Variants in MDGA2 observed in about 807,000 individuals in gnomAD.
MDGA2 encodes MAM domain-containing glycosylphosphatidylinositol anchor protein 2.
A neutral mutation model predicts 117.8 loss-of-function variants in MDGA2; 40 were observed. The ratio of observed to expected loss-of-function variants is 0.34; its 90% CI spans 0.26 to 0.44. MDGA2 has a LOEUF of 0.44. Ranked by LOEUF, MDGA2 falls within the 20% of genes least tolerant of loss-of-function variation. The pLI is 1.00. For synonymous variants in MDGA2, 452 were observed against 439.0 expected, an observed-to-expected ratio of 1.03 and a Z score of -0.37; for missense variants, 1,123 against 1,250.6, an observed-to-expected ratio of 0.90 and a Z score of 1.54.
At chr14:47,587,294 A>G (rs1018052456) in intron 1 of MDGA2, among the ~76,000 whole-genome samples, 2 of 151,868 alleles carry the variant, frequency 1.3e-5, no homozygotes, top group African/African-American at 4.8e-5. Context: ...CAGAACTTAA[A>G]ATAAAACTTA....
chr14:46,902,643 C>G (rs1477427622), intron 10 of MDGA2, among the ~76,000 whole-genome samples: 1 of 152,154 alleles, frequency 6.6e-6, no homozygotes, highest in East Asian at 1.9e-4. Context: ...GTATATAATA[C>G]AAGGACTACA....
In MDGA2 at chr14:47,009,858, T is replaced by G. The variant is rs1887837466; in HGVS notation, c.1819+25153A>C. Among the ~76,000 whole-genome samples the G allele has an allele frequency of 2.6e-5, 4 of 152,048 alleles. No individual in the cohort carries two copies. The South Asian group carries it at 8.3e-4, about 32-fold the overall frequency. ...GCGTCCGAGCTGTGCCTTTTCTATC[T>G]TTAATTTTCATTCTACAAATGATCA... On this transcript the variant is annotated intron_variant, in intron 8 of 16. Transcript: ENST00000399232.
intron 3 of MDGA2, among the ~76,000 whole-genome samples, chr14:47,172,697 G>GAA (rs199863874): frequency 6.6e-6 from 1 of 152,130 alleles, no homozygotes; most frequent in Admixed American, 6.6e-5. Flanking sequence ...CAAAGATGGG[G>GAA]AAAAAACAGA....
intron 1 of MDGA2, among the ~76,000 whole-genome samples, chr14:47,314,551 G>A (rs1457419894): frequency 6.6e-6 from 1 of 151,936 alleles, no homozygotes; most frequent in African/African-American, 2.4e-5. Flanking sequence ...GGTGGCATGA[G>A]CCTGTATCCC....
chr14:46,920,980 C>A (rs2138514019), intron 9 of MDGA2, among the ~76,000 whole-genome samples: 1 of 152,184 alleles, frequency 6.6e-6, no homozygotes, highest in Middle Eastern at 3.4e-3. Context: ...CACATACAAA[C>A]CATCTCAGTT....
chr14:46,866,922 G>C (rs1315670354), intron 14 of MDGA2, among the ~76,000 whole-genome samples: 3 of 152,100 alleles, frequency 2.0e-5, no homozygotes, highest in East Asian at 1.9e-4. Context: ...GGAGAAATAG[G>C]AACACTTTTA....
In MDGA2 at chr14:47,506,330, C is replaced by T. The variant is rs550344889; in HGVS notation, c.280+168187G>A. 7.2e-5 allele frequency among the ~76,000 whole-genome samples: 11 copies of T among 152,260 alleles called. No homozygotes were observed. In the East Asian group the frequency reaches 2.1e-3, roughly 29 times the overall value. On this transcript the variant is annotated intron_variant, in intron 1 of 16. Coordinates refer to ENST00000399232, the MANE Select transcript of MDGA2 (RefSeq NM_001113498.3). ...CCTCTAAAAAAATCTATTTTTCCTACAAACACCCATTTAGAAGCTTTATTT... is the reference window on the plus strand; with the variant it reads ...CCTCTAAAAAAATCTATTTTTCCTATAAACACCCATTTAGAAGCTTTATTT...
At chr14:47,372,589 C>G (rs960860746) in intron 1 of MDGA2, among the ~76,000 whole-genome samples, 4 of 151,854 alleles carry the variant, frequency 2.6e-5, no homozygotes, top group African/African-American at 9.7e-5. Flanking sequence ...GAGACTGAAA[C>G]AGTTACTCTC....
At chr14:46,977,556 C>T (rs1431006747) in intron 8 of MDGA2, among the ~76,000 whole-genome samples, 1 of 151,784 alleles carries the variant, frequency 6.6e-6, no homozygotes, top group Non-Finnish European at 1.5e-5. Flanking sequence ...ATATTGGCCT[C>T]CCAGAAATGT....
chr14:47,205,886 T>A (rs1284257754), intron 3 of MDGA2, among the ~76,000 whole-genome samples: 1 of 152,014 alleles, frequency 6.6e-6, no homozygotes, highest in Admixed American at 6.6e-5. Context: ...TTCCCAGCAC[T>A]GAGTCACACA....
chr14:47,595,564 A>T (rs12586142), intron 1 of MDGA2, among the ~76,000 whole-genome samples: 1 of 146,622 alleles, frequency 6.8e-6, no homozygotes, highest in African/African-American at 2.5e-5. Flanking sequence ...AAACAAAAAA[A>T]AAAAAAACCC....
intron 1 of MDGA2, among the ~76,000 whole-genome samples, chr14:47,426,858 G>A (rs1892702618): frequency 6.6e-6 from 1 of 151,400 alleles, no homozygotes; most frequent in South Asian, 2.1e-4. Flanking sequence ...AGAGGAGGCA[G>A]GACATTTATA....
At chr14:47,332,180 A>G (rs1890311859) in intron 1 of MDGA2, among the ~76,000 whole-genome samples, 1 of 152,010 alleles carries the variant, frequency 6.6e-6, no homozygotes, top group South Asian at 2.1e-4. Flanking sequence ...ATACAAGGTG[A>G]TCATATTCAT....
chr14:46,906,972 C>CTTTT (rs372756942), intron 10 of MDGA2, among the ~76,000 whole-genome samples: 17 of 99,540 alleles, frequency 1.7e-4, no homozygotes, highest in Admixed American at 2.4e-4. Flanking sequence ...TTACCTTTTT[C>CTTTT]TTTTTTTTTT....
chr14:47,108,158 T>A (rs1308345433), intron 5 of MDGA2, among the ~76,000 whole-genome samples: 1 of 152,014 alleles, frequency 6.6e-6, no homozygotes, highest in Non-Finnish European at 1.5e-5. Context: ...TGGACAATAC[T>A]TTTACCACAT....
At chr14:47,443,436 G>A (rs1893055739) in intron 1 of MDGA2, among the ~76,000 whole-genome samples, 1 of 152,076 alleles carries the variant, frequency 6.6e-6, no homozygotes, top group South Asian at 2.1e-4. Flanking sequence ...GACACTAGGA[G>A]AGCTCTAGCT....
At chr14:47,217,632 T>C (rs1240290097) in intron 3 of MDGA2, among the ~76,000 whole-genome samples, 1 of 151,870 alleles carries the variant, frequency 6.6e-6, no homozygotes, top group Non-Finnish European at 1.5e-5. Context: ...TATTCACATG[T>C]AGGTAAAAAA....
chr14:47,454,566 C>T (rs2138577816), intron 1 of MDGA2, among the ~76,000 whole-genome samples: 1 of 152,162 alleles, frequency 6.6e-6, no homozygotes. Context: ...GTTTTTAAAA[C>T]TGTGTATATA....
At chr14:46,955,277 A>T (rs1885520110) in intron 9 of MDGA2, among the ~76,000 whole-genome samples, 1 of 152,008 alleles carries the variant, frequency 6.6e-6, no homozygotes, top group African/African-American at 2.4e-5. Context: ...TCAATATGCT[A>T]CCTTAACCTT....
Sources: allele counts gnomAD v4.1 joint callset (sites outside exome capture counted in the v4.1 genomes callset), GRCh38; gene constraint gnomAD v4.1.1; transcripts MANE v1.5; gene names NCBI Gene and HGNC (gene_info 2026-07-23, HGNC 2026-07-21).